DENND10: variants seen among roughly 807,000 people sequenced by gnomAD.
DENND10 encodes DENN domain-containing protein 10.
A neutral mutation model predicts 43.6 loss-of-function variants in DENND10; 24 were observed. The observed-to-expected ratio is 0.55, with a 90% CI of 0.40 to 0.77. DENND10 has a LOEUF of 0.77. Ranked by LOEUF, DENND10 falls within the 30% of genes least tolerant of loss-of-function variation. The pLI, the probability that DENND10 is intolerant of heterozygous loss-of-function variation, is 0.00. For synonymous variants in DENND10, 125 were observed against 157.6 expected (o/e 0.79, Z 1.55); for missense variants, 303 against 429.9 (o/e 0.70, Z 2.61).
chr10:119,105,294 C>CTTT (rs749653382), intron 1 of DENND10: 3 of 144,168 alleles, frequency 2.1e-5, no homozygotes, highest in South Asian at 2.0e-4. Context: ...TGTCTTTCTT[C>CTTT]TTTTTTTTTT....
chr10:119,119,416 A>G (rs1589728883), intron 4 of DENND10, among the ~76,000 whole-genome samples: 1 of 152,172 alleles, frequency 6.6e-6, no homozygotes, highest in East Asian at 1.9e-4. Flanking sequence ...TGCTGGAATT[A>G]CAGGTGTGAA....
intron 6 of DENND10, among the ~76,000 whole-genome samples, chr10:119,124,398 G>A (rs1845732689): frequency 1.6e-5 from 2 of 121,836 alleles, no homozygotes; most frequent in Non-Finnish European, 1.8e-5. Flanking sequence ...AAAATTAGCC[G>A]GGTGTGGTGG....
intron 2 of DENND10, 47 bp downstream of exon 2, chr10:119,108,211 G>T (rs776536249): frequency 7.1e-7 from 1 of 1,400,358 alleles, no homozygotes; most frequent in Non-Finnish European, 1.0e-6. Flanking sequence ...TAGGCTGGGC[G>T]CGGTGGCTCA....
At chr10:119,122,840 T>C (rs1284209773) in intron 5 of DENND10, among the ~76,000 whole-genome samples, 1 of 143,064 alleles carries the variant, frequency 7.0e-6, no homozygotes, top group East Asian at 2.1e-4. Context: ...AGACTCCCTT[T>C]CCATGGCAGT....
rs149408474 is a variant in DENND10, at chr10:119,129,520, G to A, written c.700G>A (p.Val234Ile). The A allele has an allele frequency of 2.4e-5, 39 of 1,610,982 alleles. No individual in the cohort carries two copies. The highest frequency in any genetic ancestry group is 4.0e-5 in the African/African-American group (3 of 75,000). Residue 234 changes from valine (V) to isoleucine (I), a missense_variant, in exon 7 of 9, where the codon GTC (valine) becomes ATC (isoleucine). By Grantham distance (29) the Val-to-Ile change is conservative. Coordinates refer to ENST00000361432, the MANE Select transcript of DENND10 (RefSeq NM_207009.4). ...TGCTCATGTTTGTGATGCAGGTTAC[G>A]TCGCTGGATTTGTAGACTTGGAGGT... ...LEALQMCTGY[V>I]AGFVDLEVSN...
intron 7 of DENND10, among the ~76,000 whole-genome samples, chr10:119,130,517 C>G (rs1175586372): frequency 6.6e-6 from 1 of 152,132 alleles, no homozygotes; most frequent in Non-Finnish European, 1.5e-5. Context: ...AGGCTGGTCT[C>G]GAATTCCTAG....
intron 4 of DENND10, among the ~76,000 whole-genome samples, chr10:119,118,682 T>G (rs1845411208): frequency 6.6e-6 from 1 of 152,132 alleles, no homozygotes; most frequent in East Asian, 1.9e-4. Context: ...CTTTTTTTTT[T>G]CCTTTTGAGA....
chr10:119,113,400 G>T (rs890032104), intron 3 of DENND10, among the ~76,000 whole-genome samples: 7 of 151,350 alleles, frequency 4.6e-5, no homozygotes, highest in African/African-American at 1.7e-4. Context: ...GTCTTACTAT[G>T]TTGCCCAGGC....
At chr10:119,125,302 A>G (rs991199044) in intron 6 of DENND10, among the ~76,000 whole-genome samples, 6 of 151,746 alleles carry the variant, frequency 4.0e-5, no homozygotes, top group African/African-American at 1.5e-4. Context: ...TTAAAAGTTT[A>G]TCAGTGACTT....
At chr10:119,114,519 T>C (rs1038190073) in intron 3 of DENND10, 32 of 152,344 alleles carry the variant, frequency 2.1e-4, no homozygotes, top group African/African-American at 7.5e-4. Flanking sequence ...TTGCTGCTAG[T>C]GGCCCTGCTA....
At chr10:119,107,710 C>CT (rs1430353334) in intron 1 of DENND10, among the ~76,000 whole-genome samples, 2 of 152,130 alleles carry the variant, frequency 1.3e-5, no homozygotes, top group African/African-American at 4.8e-5. Context: ...GGCCAAAACT[C>CT]TACCATATCT....
chr10:119,123,328 T>C, intron 5 of DENND10, 141 bp from the exon 6 acceptor site: 1 of 601,866 alleles, frequency 1.7e-6, no homozygotes, highest in Admixed American at 2.9e-5. Flanking sequence ...TTAGCACATT[T>C]GGGGCTTGGT....
At chr10:119,126,192 C>G (rs1298261591) in intron 6 of DENND10, among the ~76,000 whole-genome samples, 1 of 152,108 alleles carries the variant, frequency 6.6e-6, no homozygotes, top group Non-Finnish European at 1.5e-5. Context: ...ATTTTCTTTT[C>G]CATTCATCTG....
At chr10:119,128,437 G>A (rs1390498506) in intron 6 of DENND10, among the ~76,000 whole-genome samples, 5 of 151,706 alleles carry the variant, frequency 3.3e-5, no homozygotes, top group Admixed American at 1.3e-4. Context: ...GTGAAACCCC[G>A]TCTCTACTCA....
At chr10:119,135,589 AT>A (rs1229257702) in intron 8 of DENND10, among the ~76,000 whole-genome samples, 3 of 152,040 alleles carry the variant, frequency 2.0e-5, no homozygotes, top group Admixed American at 2.0e-4. Flanking sequence ...TATATGAGCT[AT>A]CTAGAGCAGA....
intron 2 of DENND10, among the ~76,000 whole-genome samples, chr10:119,111,241 C>G (rs1309797103): frequency 5.0e-5 from 7 of 140,568 alleles, no homozygotes; most frequent in African/African-American, 1.6e-4. Flanking sequence ...GCACTCCAGC[C>G]TGGGCGACAG....
intron 6 of DENND10, among the ~76,000 whole-genome samples, chr10:119,127,749 A>G (rs1845899045): frequency 6.6e-6 from 1 of 151,988 alleles, no homozygotes; most frequent in Admixed American, 6.6e-5. Context: ...CAGCCTCCCA[A>G]AGGGCTAGGA....
chr10:119,134,778 A>G (rs575821753), intron 8 of DENND10: 1 of 152,346 alleles, frequency 6.6e-6, no homozygotes, highest in Non-Finnish European at 1.5e-5. Flanking sequence ...GATTCCTTCA[A>G]AAAAACAATA....
Position 119,121,445 on chromosome 10 carries a change from C to T in DENND10, c.593+993C>T, listed in dbSNP as rs942376939. 6.0e-4 allele frequency among the ~76,000 whole-genome samples: 68 copies of T among 112,878 alleles called. 1 individual carries two copies. The East Asian group carries it at 0.014, about 24-fold the overall frequency. 74.1% of individuals were successfully genotyped at this position (112,878 alleles called of 152,430 possible). On this transcript the variant is annotated intron_variant, in intron 5 of 8. Coordinates refer to ENST00000361432, the MANE Select transcript of DENND10 (RefSeq NM_207009.4). The stretch of plus-strand genomic sequence containing the variant: ...AACCACCACACCCAGCCATTAGGTC[C>T]TTTTTTTTTTTTTTTTTTTTTTGGA...
Sources: gnomAD v4.1 joint callset for allele counts (sites outside exome capture counted in the v4.1 genomes callset) on GRCh38, gnomAD v4.1.1 for gene constraint, MANE v1.5 for transcripts, NCBI Gene and HGNC (gene_info 2026-07-23, HGNC 2026-07-21) for gene names.